CALN1: variants seen among roughly 807,000 people sequenced by gnomAD.
CALN1 encodes calcium-binding protein 8.
Under a neutral mutation model 30.6 loss-of-function variants are expected in CALN1, and 17 were observed. The observed-to-expected ratio is 0.56, with a 90% CI of 0.38 to 0.83. The LOEUF (loss-of-function observed/expected upper bound fraction) is 0.83. CALN1 is among the 40% of genes least tolerant of loss of function. CALN1 has a pLI of 0.00. For missense variants in CALN1, 291 were observed against 354.9 expected (o/e 0.82, Z 1.45); for synonymous variants, 156 against 131.4 (o/e 1.19, Z -1.28).
At chr7:71,953,947 C>T (rs1796828924) in intron 5 of CALN1, among the ~76,000 whole-genome samples, 1 of 152,126 alleles carries the variant, frequency 6.6e-6, no homozygotes, top group South Asian at 2.1e-4. Flanking sequence ...ACAAAAAAAA[C>T]ATGATCTCAG....
chr7:72,097,459 G>A (rs1806314039), intron 4 of CALN1, among the ~76,000 whole-genome samples: 1 of 152,064 alleles, frequency 6.6e-6, no homozygotes, highest in Non-Finnish European at 1.5e-5. Flanking sequence ...GAACACACAG[G>A]GTGTAGCACA....
intron 4 of CALN1, among the ~76,000 whole-genome samples, chr7:72,045,288 G>C (rs1362839491): frequency 6.6e-6 from 1 of 152,164 alleles, no homozygotes; most frequent in Non-Finnish European, 1.5e-5. Context: ...GGAGACCCAG[G>C]TCTGCAAAAT....
intron 1 of CALN1, among the ~76,000 whole-genome samples, chr7:72,422,579 C>T (rs1388782512): frequency 2.0e-5 from 3 of 152,190 alleles, no homozygotes; most frequent in Non-Finnish European, 2.9e-5. Flanking sequence ...TCACTTCCCT[C>T]GTCCTCCGCA....
At chr7:71,952,990 C>T (rs1413018186) in intron 5 of CALN1, among the ~76,000 whole-genome samples, 1 of 152,066 alleles carries the variant, frequency 6.6e-6, no homozygotes, top group Non-Finnish European at 1.5e-5. Context: ...AAAGTCTTGC[C>T]CTGTCATCCA....
chr7:72,270,678 G>A (rs1796916596), intron 3 of CALN1, among the ~76,000 whole-genome samples: 1 of 152,186 alleles, frequency 6.6e-6, no homozygotes, highest in Admixed American at 6.5e-5. Flanking sequence ...GGGAGGCTGA[G>A]GCAGGAGCAT....
At chr7:72,117,763 G>C (rs924172830) in intron 3 of CALN1, among the ~76,000 whole-genome samples, 6 of 152,092 alleles carry the variant, frequency 3.9e-5, no homozygotes, top group Non-Finnish European at 8.8e-5. Context: ...TTTGAGACCA[G>C]CCTGGCCAAC....
chr7:71,931,579 T>A (rs1166916077), intron 5 of CALN1, among the ~76,000 whole-genome samples: 2 of 152,174 alleles, frequency 1.3e-5, no homozygotes, highest in African/African-American at 4.8e-5. Context: ...AAACCATGGT[T>A]TTCTTGGGCC....
At chr7:72,184,279 G>C (rs11976625) in intron 3 of CALN1, among the ~76,000 whole-genome samples, 1 of 152,002 alleles carries the variant, frequency 6.6e-6, no homozygotes, top group South Asian at 2.1e-4. Context: ...AGTTTGAATC[G>C]TGACTCTAGC....
intron 3 of CALN1, among the ~76,000 whole-genome samples, chr7:72,199,056 C>G (rs182497711): frequency 3.1e-3 from 474 of 152,300 alleles, no homozygotes; most frequent in Middle Eastern, 6.8e-3. Flanking sequence ...AGGTAGATCA[C>G]TTGAGGTCAG....
chr7:72,429,558 G>A (rs1267519321), intron 1 of CALN1, among the ~76,000 whole-genome samples: 2 of 151,970 alleles, frequency 1.3e-5, no homozygotes, highest in African/African-American at 2.4e-5. Context: ...TAGACAAGTG[G>A]CTTTGATCTG....
At chr7:71,839,214 C>A (rs1789793191) in intron 5 of CALN1, among the ~76,000 whole-genome samples, 1 of 152,172 alleles carries the variant, frequency 6.6e-6, no homozygotes, top group Non-Finnish European at 1.5e-5. Flanking sequence ...ATGTCTGGAA[C>A]TGCTGTAACC....
chr7:72,228,705 C>G (rs1793858067), intron 3 of CALN1, among the ~76,000 whole-genome samples: 1 of 151,622 alleles, frequency 6.6e-6, no homozygotes, highest in Admixed American at 6.6e-5. Flanking sequence ...TGGAATACAG[C>G]AAGCACTCCA....
At chr7:72,434,045 G>C (rs892025082) in intron 1 of CALN1, among the ~76,000 whole-genome samples, 4 of 150,946 alleles carry the variant, frequency 2.6e-5, no homozygotes, top group East Asian at 1.9e-4. Flanking sequence ...GGGTGAAAAA[G>C]TGAGACCCTG....
rs766498931 is a variant in CALN1, at chr7:71,804,324, C to T, written c.658+6012G>A. Among the ~76,000 whole-genome samples, 78 of 152,036 alleles carry T rather than the reference C, an allele frequency of 5.1e-4. 1 individual carries two copies. The highest frequency in any genetic ancestry group is 3.3e-4 in the Admixed American group (5 of 15,268). ...ATGAGTTCAAGAACAGGCTGGGTGA[C>T]ACAGCAAGACCCTGTTTCTACAAAA... On this transcript the variant is annotated intron_variant, in intron 6 of 6. Coordinates refer to ENST00000395275, the MANE Select transcript of CALN1 (RefSeq NM_031468.4).
intron 3 of CALN1, among the ~76,000 whole-genome samples, chr7:72,256,479 C>A (rs1196783760): frequency 2.6e-5 from 4 of 152,086 alleles, no homozygotes; most frequent in African/African-American, 9.7e-5. Context: ...AAAAGAAGCA[C>A]ATGCACACAC....
rs1801350763 is a variant in CALN1, at chr7:71,786,838, T to TC, written c.*936dup. 2 of 151,978 alleles carry TC rather than the reference T, an allele frequency of 1.3e-5. No homozygotes were observed. Among genetic ancestry groups the TC allele is most frequent in the Admixed American group, 6.6e-5 (1 of 15,218 alleles). The allele number at this position is 151,978 out of a possible 1,614,324, so 9.4% of individuals were successfully genotyped here. On this transcript the variant is annotated 3_prime_UTR_variant, in exon 7 of 7. Transcript: ENST00000395275. ...AACCTCACCGCCAGTCCCAGTCCCCTCCCCCCTCAACCTGCCTCACCCCTG... is the reference window on the plus strand; with the variant it reads ...AACCTCACCGCCAGTCCCAGTCCCCTCCCCCCCTCAACCTGCCTCACCCCTG...
At chr7:72,227,236 TAAA>T (rs34824953) in intron 3 of CALN1, among the ~76,000 whole-genome samples, 6 of 144,120 alleles carry the variant, frequency 4.2e-5, no homozygotes, top group East Asian at 4.1e-4. Context: ...ATTAAAAGCT[TAAA>T]AAAAAAAAAA....
chr7:72,437,790 CCTTT>C (rs1479968989), intron 1 of CALN1, among the ~76,000 whole-genome samples: 2 of 138,088 alleles, frequency 1.4e-5, no homozygotes, highest in Non-Finnish European at 3.1e-5. Context: ...TCCCTTCCTT[CCTTT>C]CCTTCCTACC....
At chr7:72,370,697 A>C (rs183114657) in intron 2 of CALN1, among the ~76,000 whole-genome samples, 23 of 151,992 alleles carry the variant, frequency 1.5e-4, no homozygotes, top group African/African-American at 5.3e-4. Flanking sequence ...GGCAATTGAC[A>C]AATTTTTTTT....
Sources: allele counts gnomAD v4.1 joint callset (sites outside exome capture counted in the v4.1 genomes callset), GRCh38; gene constraint gnomAD v4.1.1; transcripts MANE v1.5; gene names NCBI Gene and HGNC (gene_info 2026-07-23, HGNC 2026-07-21).